SLF2: variants seen among roughly 807,000 people sequenced by gnomAD.
The protein encoded by SLF2 is SMC5/6 complex localization factor 2, also known as SMC5-SMC6 complex localization factor protein 2.
In SLF2, 68 loss-of-function variants were observed where a neutral mutation model predicts 124.3. The ratio of observed to expected loss-of-function variants is 0.55; its 90% CI spans 0.45 to 0.67. SLF2 has a LOEUF of 0.67. SLF2 is among the 30% of genes least tolerant of loss of function. The probability of loss-of-function intolerance (pLI) is 0.00; values close to 1 mark genes in which losing one functional copy is unlikely to be tolerated. For synonymous variants in SLF2, 480 were observed against 478.8 expected, an observed-to-expected ratio of 1.00 and a Z score of -0.03; for missense variants, 1,246 against 1,373.7, an observed-to-expected ratio of 0.91 and a Z score of 1.47.
chr10:100,945,614 T>A, intron 13 of SLF2, 108 bp downstream of exon 13: 1 of 867,232 alleles, frequency 1.2e-6, no homozygotes, highest in Non-Finnish European at 1.6e-6. Flanking sequence ...TTTGGCGGAT[T>A]AAAAATGAAC....
At chr10:100,929,796 A>C in intron 7 of SLF2, 34 bp from the exon 8 acceptor site, 3 of 1,501,778 alleles carry the variant, frequency 2.0e-6, no homozygotes, top group Non-Finnish European at 2.7e-6. Context: ...GTAGTGTAAC[A>C]ATTTGGTATT....
chr10:100,937,266 C>G, intron 9 of SLF2, 136 bp from the exon 10 acceptor site: 4 of 728,746 alleles, frequency 5.5e-6, no homozygotes, highest in Non-Finnish European at 9.9e-6. Flanking sequence ...CCGCCTTAGC[C>G]TCACAAAGTG....
At position 100,924,868 on chromosome 10, in the gene SLF2, T is replaced by C. The variant is rs1189459313; in HGVS notation, c.1867T>C (p.Ser623Pro). The C allele has an allele frequency of 6.2e-7, 1 of 1,614,178 alleles. No individual in the cohort carries two copies. The highest frequency in any genetic ancestry group is 8.5e-7 in the Non-Finnish European group (1 of 1,180,034). ...DSDEEEETLK[S>P]LEEIMALNFN... ...TGATGAGGAAGAGGAAACATTAAAG[T>C]CACTGGAAGAAATAATGGCTTTGAA... The change falls in exon 5 of 20, where the codon TCA (serine) becomes CCA (proline). Residue 623 changes from serine (S) to proline (P), a missense_variant. Physicochemically the swap from Ser to Pro is moderately conservative, Grantham distance 74. This residue lies in a region of SLF2 where 13 missense variants were observed against 32.0 expected (regional missense o/e 0.41). Coordinates refer to ENST00000238961, the MANE Select transcript of SLF2 (RefSeq NM_018121.4).
At chr10:100,957,594 C>T (rs553116081) in intron 18 of SLF2, among the ~76,000 whole-genome samples, 7 of 151,030 alleles carry the variant, frequency 4.6e-5, no homozygotes, top group East Asian at 1.9e-4. Flanking sequence ...CTCCTGACCT[C>T]GTGATCTGCC....
intron 8 of SLF2, among the ~76,000 whole-genome samples, chr10:100,930,730 T>A (rs1191700629): frequency 6.6e-6 from 1 of 152,218 alleles, no homozygotes; most frequent in East Asian, 1.9e-4. Flanking sequence ...TTCTCAACAC[T>A]ACCAGCAAAT....
intron 17 of SLF2, among the ~76,000 whole-genome samples, chr10:100,954,026 G>T (rs775566127): frequency 1.3e-5 from 2 of 152,070 alleles, no homozygotes; most frequent in East Asian, 3.9e-4. Context: ...GTAGGCCGAG[G>T]CATGCAGATC....
Position 100,950,570 on chromosome 10 carries a change from T to C in SLF2, c.3253-106T>C, listed in dbSNP as rs914863125. 5.3e-6 allele frequency: 5 copies of C among 936,640 alleles called. No individual in the cohort carries two copies. In the African/African-American group the frequency reaches 8.2e-5, roughly 15 times the overall value. The allele number at this position is 936,640 out of a possible 1,614,324, so 58.0% of individuals were successfully genotyped here. A position where few individuals can be genotyped will look rare whatever the true frequency, so the allele number is the denominator to read the frequency against. On this transcript the variant is annotated intron_variant, in intron 16 of 19. Transcript: ENST00000238961. ...TACTTACTGACCAGCTGGGTTAACT[T>C]GACCGTATCCTTTATCCTTCCTGGG...
chr10:100,943,136 T>A (rs1379320259), intron 11 of SLF2, among the ~76,000 whole-genome samples: 4 of 152,224 alleles, frequency 2.6e-5, no homozygotes, highest in Non-Finnish European at 5.9e-5. Flanking sequence ...AGTCACAATA[T>A]TATTAGCATA....
chr10:100,950,805 G>A lies in SLF2; in HGVS notation c.3330+52G>A, dbSNP rs776333360. 3.6e-6 allele frequency: 5 copies of A among 1,371,700 alleles called. No homozygotes were observed. The Admixed American group carries it at 8.5e-5, about 23-fold the overall frequency. 85.0% of individuals were successfully genotyped at this position (1,371,700 alleles called of 1,614,324 possible). A position where few individuals can be genotyped will look rare whatever the true frequency, so the allele number is the denominator to read the frequency against. ...CTGTTTTTAAATAGGTGTTACTGATGATGGAATGAGTGAGCATGCTTTATA... is the reference window on the plus strand; with the variant it reads ...CTGTTTTTAAATAGGTGTTACTGATAATGGAATGAGTGAGCATGCTTTATA... On this transcript the variant is annotated intron_variant, in intron 17 of 19. Transcript: ENST00000238961.
chr10:100,949,892 G>A (rs533005423), intron 15 of SLF2, among the ~76,000 whole-genome samples, 184 bp from the exon 16 acceptor site: 15 of 152,070 alleles, frequency 9.9e-5, no homozygotes, highest in African/African-American at 3.6e-4. Context: ...CACCGTGCCC[G>A]ACCACTTAAA....
At chr10:100,958,385 G>A (rs911241138) in intron 18 of SLF2, among the ~76,000 whole-genome samples, 1 of 152,228 alleles carries the variant, frequency 6.6e-6, no homozygotes, top group Non-Finnish European at 1.5e-5. Flanking sequence ...CTTTCCCCAA[G>A]AGTAGAACTC....
chr10:100,913,530 C>G, intron 1 of SLF2: 2 of 1,250,856 alleles, frequency 1.6e-6, no homozygotes, highest in Non-Finnish European at 2.0e-6. Context: ...TTTTCCTTTG[C>G]AAGAGTTTGA....
At chr10:100,938,893 A>G (rs1037806137) in intron 11 of SLF2, among the ~76,000 whole-genome samples, 157 bp downstream of exon 11, 2 of 152,256 alleles carry the variant, frequency 1.3e-5, no homozygotes, top group Non-Finnish European at 2.9e-5. Context: ...GTCTTAATCT[A>G]AAAGCCATCA....
At chr10:100,928,980 T>C (rs939177844) in intron 6 of SLF2, among the ~76,000 whole-genome samples, 1 of 152,196 alleles carries the variant, frequency 6.6e-6, no homozygotes, top group African/African-American at 2.4e-5. Flanking sequence ...GTTTATTCTT[T>C]GCCATTTTTC....
chr10:100,930,987 C>T lies in SLF2; in HGVS notation c.2345C>T (p.Thr782Ile). The T allele has an allele frequency of 1.2e-6, 2 of 1,613,662 alleles. No homozygotes were observed. The highest frequency in any genetic ancestry group is 1.1e-5 in the South Asian group (1 of 91,068). ...CTTTATTTTTTCAGATCGGGAAAAA[C>T]AGATCAGATTTTTTTGACAACACAA... ...VEKLILKSGK[T>I]DQIFLTTQGF... Residue 782 changes from threonine (T) to isoleucine (I), a missense_variant, in exon 9 of 20, where the codon ACA becomes ATA. Physicochemically the swap from Thr to Ile is moderately conservative, Grantham distance 89. This residue lies in a region of SLF2 where 535 missense variants were observed against 632.8 expected (regional missense o/e 0.85). Coordinates refer to ENST00000238961, the MANE Select transcript of SLF2 (RefSeq NM_018121.4).
chr10:100,941,436 C>A (rs2133804861), intron 11 of SLF2, among the ~76,000 whole-genome samples: 1 of 152,276 alleles, frequency 6.6e-6, no homozygotes, highest in Middle Eastern at 3.4e-3. Context: ...TCCTTTTCCT[C>A]CACCTATGTC....
At chr10:100,954,527 C>T (rs1184065314) in intron 17 of SLF2, among the ~76,000 whole-genome samples, 1 of 152,156 alleles carries the variant, frequency 6.6e-6, no homozygotes, top group Non-Finnish European at 1.5e-5. Context: ...TGTTCATTTA[C>T]GTTCTCACCA....
rs370573322 is a variant in SLF2, at chr10:100,924,790, C to G, written c.1789C>G (p.Leu597Val). ...NAGSSALKRK[L>V]RGDFDSDEES... is the part of the protein sequence containing the mutation. The stretch of plus-strand genomic sequence containing the variant: ...AGGTAGCAGTGCACTGAAAAGAAAA[C>G]TAAGGGGTGATTTTGATAGTGATGA... Residue 597 changes from leucine to valine, a missense_variant, in exon 5 of 20, where the codon CTA becomes GTA. By Grantham distance (32) the Leu-to-Val change is conservative (BLOSUM62 1). Coordinates refer to ENST00000238961, the MANE Select transcript of SLF2 (RefSeq NM_018121.4). 5.5e-5 allele frequency: 89 copies of G among 1,613,978 alleles called. No homozygotes were observed. The highest frequency in any genetic ancestry group is 7.4e-5 in the Non-Finnish European group (87 of 1,180,034).
intron 1 of SLF2, chr10:100,913,960 G>A: frequency 3.7e-6 from 3 of 806,022 alleles, no homozygotes; most frequent in Non-Finnish European, 4.5e-6. Context: ...CTAATACTGT[G>A]GTACAGGCCC....
Sources: gnomAD v4.1 joint callset for allele counts (sites outside exome capture counted in the v4.1 genomes callset) on GRCh38, gnomAD v4.1.1 for gene constraint, gnomAD v4.1.1 regional missense constraint, MANE v1.5 for transcripts, NCBI Gene and HGNC (gene_info 2026-07-23, HGNC 2026-07-21) for gene names.